SQOR: variants seen among roughly 807,000 people sequenced by gnomAD.
The protein encoded by SQOR is sulfide:quinone oxidoreductase, mitochondrial.
A neutral mutation model predicts 48.6 loss-of-function variants in SQOR; 39 were observed. The observed-to-expected ratio is 0.80, with a 90% CI of 0.62 to 1.05. The LOEUF is 1.05. Among genes scored for constraint, SQOR ranks in the 50% least tolerant of loss-of-function variants. The pLI, the probability that SQOR is intolerant of heterozygous loss-of-function variation, is 0.00. For missense variants in SQOR, 561 were observed against 559.9 expected (o/e 1.00, Z -0.02); for synonymous variants, 220 against 206.2 (o/e 1.07, Z -0.57).
intron 9 of SQOR, among the ~76,000 whole-genome samples, chr15:45,690,752 A>G (rs1458321816): frequency 6.6e-6 from 1 of 152,232 alleles, no homozygotes; most frequent in Non-Finnish European, 1.5e-5. Flanking sequence ...AAATTGAGTT[A>G]GCACATCCAG....
chr15:45,685,016 C>G (rs572066030), intron 7 of SQOR, among the ~76,000 whole-genome samples: 1 of 152,248 alleles, frequency 6.6e-6, no homozygotes, highest in Admixed American at 6.5e-5. Flanking sequence ...GGGTTGTTTC[C>G]AACCATTTTT....
chr15:45,657,265 AT>A (rs33993204), intron 1 of SQOR, among the ~76,000 whole-genome samples: 33 of 148,046 alleles, frequency 2.2e-4, no homozygotes, highest in East Asian at 3.9e-4. Context: ...TGGAGCCTGC[AT>A]TTTTTTTTTT....
chr15:45,681,316 C>T (rs1186448413), intron 6 of SQOR, among the ~76,000 whole-genome samples: 1 of 152,204 alleles, frequency 6.6e-6, no homozygotes, highest in Non-Finnish European at 1.5e-5. Flanking sequence ...TTTCAACGTT[C>T]ATGAACAGAC....
intron 6 of SQOR, among the ~76,000 whole-genome samples, chr15:45,680,124 G>C (rs112277870): frequency 6.8e-4 from 104 of 152,144 alleles, no homozygotes; most frequent in African/African-American, 2.4e-3. Flanking sequence ...GTCTCACTCT[G>C]TTACCTAGGT....
chr15:45,666,559 C>T (rs981090759), intron 3 of SQOR, among the ~76,000 whole-genome samples: 36 of 152,096 alleles, frequency 2.4e-4, no homozygotes, highest in African/African-American at 8.5e-4. Flanking sequence ...TAGAACAGCA[C>T]CTTGCACAGA....
intron 6 of SQOR, among the ~76,000 whole-genome samples, chr15:45,680,761 TAGCTC>T (rs1225749901): frequency 6.6e-6 from 1 of 152,214 alleles, no homozygotes; most frequent in Admixed American, 6.5e-5. Context: ...TGTAGGATGT[TAGCTC>T]AGGTAAAACT....
intron 7 of SQOR, among the ~76,000 whole-genome samples, chr15:45,683,995 T>G (rs1023732379): frequency 6.6e-6 from 1 of 152,108 alleles, no homozygotes; most frequent in Non-Finnish European, 1.5e-5. Flanking sequence ...CACTGCAACC[T>G]CTGTCTCCCA....
chr15:45,673,045 C>T (rs1889971311), intron 4 of SQOR, among the ~76,000 whole-genome samples: 1 of 152,192 alleles, frequency 6.6e-6, no homozygotes, highest in Admixed American at 6.5e-5. Flanking sequence ...GAGCACCACA[C>T]TTGGAGACCT....
At chr15:45,684,612 CTT>C (rs1234258294) in intron 7 of SQOR, among the ~76,000 whole-genome samples, 14 of 120,622 alleles carry the variant, frequency 1.2e-4, no homozygotes, top group South Asian at 2.5e-4. Context: ...CTCTCTCTCT[CTT>C]TTTTTTTCAT....
chr15:45,651,764 C>T (rs1010341286), intron 1 of SQOR, among the ~76,000 whole-genome samples: 7 of 152,062 alleles, frequency 4.6e-5, no homozygotes, highest in Admixed American at 2.0e-4. Flanking sequence ...CCACCGTACC[C>T]GGCCTTGATT....
rs1016616524 is a variant in SQOR at position 45,659,133 on chromosome 15, T to C, written c.210T>C (p.Asn70=). Reference sequence around the variant, plus strand: ...TGAAGAGGAAAGTGGGTGCAGAGAATGTGGCCATTGTTGAGCCCAGTGAGG... The same window carrying C: ...TGAAGAGGAAAGTGGGTGCAGAGAACGTGGCCATTGTTGAGCCCAGTGAGG... ...ARMKRKVGAE[N]VAIVEPSERH... is the part of the protein sequence containing the mutation. The change falls in exon 2 of 10, where the codon AAT becomes AAC. Residue 70 remains asparagine (N), a synonymous_variant. Coordinates refer to ENST00000260324, the MANE Select transcript of SQOR (RefSeq NM_021199.4). 4 of 1,554,146 alleles carry C rather than the reference T, an allele frequency of 2.6e-6. No homozygotes were observed. The Admixed American group carries it at 5.8e-5, about 22-fold the overall frequency.
intron 5 of SQOR, 49 bp downstream of exon 5, chr15:45,673,850 T>A: frequency 6.4e-7 from 1 of 1,566,182 alleles, no homozygotes; most frequent in Non-Finnish European, 8.7e-7. Context: ...ACAGTGCTAA[T>A]TCACTGATTG....
intron 9 of SQOR, 86 bp from the exon 10 acceptor site, chr15:45,690,887 G>C: frequency 8.6e-7 from 1 of 1,158,622 alleles, no homozygotes; most frequent in Non-Finnish European, 1.3e-6. Flanking sequence ...TCTGTGAGCA[G>C]CCTGGCTTCC....
intron 9 of SQOR, chr15:45,689,530 G>T (rs1405445152): frequency 5.9e-6 from 1 of 170,610 alleles, no homozygotes; most frequent in African/African-American, 2.4e-5. Flanking sequence ...CAATTTTCCT[G>T]CCCCAGCCTC....
chr15:45,663,870 T>G (rs1359500896), intron 3 of SQOR, among the ~76,000 whole-genome samples: 1 of 152,240 alleles, frequency 6.6e-6, no homozygotes, highest in African/African-American at 2.4e-5. Flanking sequence ...CAAATATTTA[T>G]TAAGCATCTA....
chr15:45,679,683 T>C (rs955059468), intron 6 of SQOR, among the ~76,000 whole-genome samples: 3 of 152,222 alleles, frequency 2.0e-5, no homozygotes, highest in Non-Finnish European at 4.4e-5. Flanking sequence ...CATTTCTTTA[T>C]GGATAAGCAA....
intron 3 of SQOR, among the ~76,000 whole-genome samples, chr15:45,668,496 C>T (rs1889878796): frequency 6.6e-6 from 1 of 152,190 alleles, no homozygotes; most frequent in Admixed American, 6.5e-5. Flanking sequence ...AAGCCTCATG[C>T]ACACTATGCT....
intron 1 of SQOR, among the ~76,000 whole-genome samples, chr15:45,657,554 C>G (rs948224417): frequency 6.6e-6 from 1 of 152,132 alleles, no homozygotes; most frequent in Non-Finnish European, 1.5e-5. Context: ...GGTTGCTTCT[C>G]AGATCTGAAA....
At chr15:45,651,436 C>T (rs1486071573) in intron 1 of SQOR, among the ~76,000 whole-genome samples, 2 of 152,220 alleles carry the variant, frequency 1.3e-5, no homozygotes, top group Non-Finnish European at 2.9e-5. Context: ...CCCCTGCCAG[C>T]CCATAGAGGG....
Sources: gnomAD v4.1 joint callset for allele counts (sites outside exome capture counted in the v4.1 genomes callset) on GRCh38, gnomAD v4.1.1 for gene constraint, MANE v1.5 for transcripts, NCBI Gene and HGNC (gene_info 2026-07-23, HGNC 2026-07-21) for gene names.